The following NRG2 variants were observed in gnomAD, a reference collection of about 807,000 sequenced individuals.
NRG2 encodes pro-neuregulin-2, membrane-bound isoform.
NRG2 carries 27 observed loss-of-function variants against 73.9 expected under a neutral mutation model. The ratio of observed to expected loss-of-function variants is 0.37; its 90% CI spans 0.27 to 0.50. The LOEUF (loss-of-function observed/expected upper bound fraction) is 0.50. NRG2 is among the 20% of genes least tolerant of loss of function. The pLI, the probability that NRG2 is intolerant of heterozygous loss-of-function variation, is 0.96. For missense variants in NRG2, 1,126 were observed against 1,210.1 expected, an observed-to-expected ratio of 0.93 and a Z score of 1.03; for synonymous variants, 532 against 541.0, an observed-to-expected ratio of 0.98 and a Z score of 0.23.
At chr5:139,886,979 T>C (rs72796707) in intron 2 of NRG2, among the ~76,000 whole-genome samples, 128 of 152,310 alleles carry the variant, frequency 8.4e-4, no homozygotes, top group Non-Finnish European at 1.6e-3. Flanking sequence ...TCACCAAAGA[T>C]TGCCAAATGT....
At chr5:139,965,289 A>T (rs550344449) in intron 1 of NRG2, among the ~76,000 whole-genome samples, 2 of 152,230 alleles carry the variant, frequency 1.3e-5, no homozygotes. Flanking sequence ...GTCAGGGGAC[A>T]GTACCCCAGA....
At chr5:139,891,193 G>A (rs976023594) in intron 1 of NRG2, among the ~76,000 whole-genome samples, 1 of 152,226 alleles carries the variant, frequency 6.6e-6, no homozygotes, top group Non-Finnish European at 1.5e-5. Flanking sequence ...TTCCTGACAT[G>A]AGTTCCAGTG....
intron 3 of NRG2, among the ~76,000 whole-genome samples, chr5:139,874,346 C>T (rs1050848919): frequency 1.3e-5 from 2 of 152,226 alleles, no homozygotes; most frequent in Non-Finnish European, 2.9e-5. Context: ...AAGTCCAAAA[C>T]TGTGCTCTGC....
At chr5:139,862,821 G>A (rs186817772) in intron 5 of NRG2, among the ~76,000 whole-genome samples, 1 of 152,376 alleles carries the variant, frequency 6.6e-6, no homozygotes, top group Admixed American at 6.5e-5. Context: ...TTTACATGGG[G>A]ACATAAAGAT....
intron 9 of NRG2, among the ~76,000 whole-genome samples, chr5:139,849,418 G>A (rs1761258297): frequency 6.6e-6 from 1 of 152,154 alleles, no homozygotes; most frequent in Non-Finnish European, 1.5e-5. Flanking sequence ...CTGCTTCAGG[G>A]GAGTACCAAG....
intron 5 of NRG2, chr5:139,860,006 T>TG: frequency 7.7e-7 from 1 of 1,301,422 alleles, no homozygotes; most frequent in Non-Finnish European, 1.1e-6. Context: ...ACAGAAACGT[T>TG]GGTCAGGACT....
chr5:140,029,986 A>G (rs1761008360), intron 1 of NRG2, among the ~76,000 whole-genome samples: 1 of 152,144 alleles, frequency 6.6e-6, no homozygotes, highest in African/African-American at 2.4e-5. Flanking sequence ...CAAGCCAACC[A>G]TAAGGCTCCC....
intron 1 of NRG2, among the ~76,000 whole-genome samples, chr5:139,888,058 G>A (rs559131802): frequency 6.6e-6 from 1 of 152,048 alleles, no homozygotes; most frequent in South Asian, 2.1e-4. Flanking sequence ...GCATGCCCCA[G>A]TCTCCCATGC....
intron 1 of NRG2, among the ~76,000 whole-genome samples, chr5:140,040,279 A>C (rs1437721534): frequency 6.6e-6 from 1 of 152,122 alleles, no homozygotes; most frequent in Non-Finnish European, 1.5e-5. Flanking sequence ...AATTTGTGAT[A>C]TGTGAGGGCC....
At chr5:139,898,544 C>T (rs1423574243) in intron 1 of NRG2, among the ~76,000 whole-genome samples, 2 of 152,250 alleles carry the variant, frequency 1.3e-5, no homozygotes, top group Non-Finnish European at 2.9e-5. Context: ...CCAGAATCCT[C>T]CCAAAGTGTT....
chr5:140,018,447 C>T (rs775673224), intron 1 of NRG2, among the ~76,000 whole-genome samples: 1 of 152,192 alleles, frequency 6.6e-6, no homozygotes, highest in African/African-American at 2.4e-5. Context: ...GGCACAGCAT[C>T]GCTGCCTGAC....
intron 1 of NRG2, among the ~76,000 whole-genome samples, chr5:139,924,315 T>C (rs940564981): frequency 6.6e-6 from 1 of 152,196 alleles, no homozygotes; most frequent in Admixed American, 6.5e-5. Flanking sequence ...ATAAATCTTT[T>C]TGGTTTGTGA....
chr5:139,978,082 A>G (rs2126551422), intron 1 of NRG2, among the ~76,000 whole-genome samples: 1 of 152,346 alleles, frequency 6.6e-6, no homozygotes. Context: ...ACAAAAGCCA[A>G]AATTGACAAA....
chr5:139,925,869 C>T (rs1458717375), intron 1 of NRG2, among the ~76,000 whole-genome samples: 1 of 152,182 alleles, frequency 6.6e-6, no homozygotes, highest in Non-Finnish European at 1.5e-5. Context: ...CCTCCAGGCC[C>T]CACCTCTCTA....
intron 1 of NRG2, among the ~76,000 whole-genome samples, chr5:140,013,977 T>G (rs1759572370): frequency 6.6e-6 from 1 of 152,222 alleles, no homozygotes; most frequent in Non-Finnish European, 1.5e-5. Context: ...TGTCTAGGGC[T>G]CGAGTCCTTG....
chr5:139,977,835 A>C (rs1345915224), intron 1 of NRG2, among the ~76,000 whole-genome samples: 1 of 152,186 alleles, frequency 6.6e-6, no homozygotes, highest in Non-Finnish European at 1.5e-5. Flanking sequence ...CAAAAACAAG[A>C]AATGGGGAAA....
chr5:139,910,057 C>A (rs1444933417), intron 1 of NRG2, among the ~76,000 whole-genome samples: 1 of 152,198 alleles, frequency 6.6e-6, no homozygotes, highest in Non-Finnish European at 1.5e-5. Flanking sequence ...ATAAAAAGGG[C>A]AAGCTTGGAT....
intron 1 of NRG2, among the ~76,000 whole-genome samples, chr5:139,956,928 T>C (rs560475399): frequency 7.9e-5 from 12 of 152,282 alleles, no homozygotes; most frequent in Non-Finnish European, 1.5e-4. Context: ...CTGGAGAAGA[T>C]GACAGGGCCT....
At chr5:139,923,138 T>G (rs1751800329) in intron 1 of NRG2, among the ~76,000 whole-genome samples, 1 of 152,150 alleles carries the variant, frequency 6.6e-6, no homozygotes, top group South Asian at 2.1e-4. Context: ...GTTCGTCAAT[T>G]GTAACAAACG....
Sources: gnomAD v4.1 joint callset for allele counts (sites outside exome capture counted in the v4.1 genomes callset) on GRCh38, gnomAD v4.1.1 for gene constraint, MANE v1.5 for transcripts, NCBI Gene and HGNC (gene_info 2026-07-23, HGNC 2026-07-21) for gene names.